The following NBAS variants were observed in gnomAD, a reference collection of about 807,000 sequenced individuals.
NBAS encodes the protein NAG/BC035112 fusion.
NBAS carries 219 observed loss-of-function variants against 302.5 expected under a neutral mutation model. The ratio of observed to expected loss-of-function variants is 0.72; its 90% CI spans 0.65 to 0.81. NBAS has a LOEUF of 0.81. Among genes scored for constraint, NBAS ranks in the 30% least tolerant of loss-of-function variants. NBAS has a pLI of 0.00. For synonymous variants in NBAS, 1,118 were observed against 1,021.6 expected (o/e 1.09, Z -1.80); for missense variants, 2,932 against 2,841.6 (o/e 1.03, Z -0.72).
intron 13 of NBAS, among the ~76,000 whole-genome samples, chr2:15,477,582 C>T (rs1293257086): frequency 6.6e-6 from 1 of 152,106 alleles, no homozygotes; most frequent in Non-Finnish European, 1.5e-5. Flanking sequence ...AGAGCCTGAA[C>T]CTTATAACTA....
chr2:14,873,549 A>G, the NBAS span, among the ~76,000 whole-genome samples: 5 of 152,282 alleles, frequency 3.3e-5, 1 homozygote, highest in South Asian at 1.0e-3. Context: ...TAAAATATAT[A>G]CCAGGATAGA....
At chr2:15,286,420 G>C (rs905172693) in intron 42 of NBAS, among the ~76,000 whole-genome samples, 1 of 152,208 alleles carries the variant, frequency 6.6e-6, no homozygotes, top group African/African-American at 2.4e-5. Flanking sequence ...TTCTTAGGAA[G>C]AAGTCAAAAG....
chr2:15,460,880 T>C (rs562774610), intron 21 of NBAS, among the ~76,000 whole-genome samples: 20 of 152,124 alleles, frequency 1.3e-4, no homozygotes, highest in Non-Finnish European at 2.6e-4. Context: ...ACACTTCAAT[T>C]TCTAAAAGAT....
the NBAS span, among the ~76,000 whole-genome samples, chr2:14,795,853 TCTC>T: frequency 5.9e-5 from 9 of 152,108 alleles, no homozygotes; most frequent in African/African-American, 2.2e-4. Flanking sequence ...ATTGCAAACA[TCTC>T]CTGGCGTGGA....
intron 44 of NBAS, among the ~76,000 whole-genome samples, chr2:15,253,947 C>T (rs1197552839): frequency 6.6e-6 from 1 of 152,118 alleles, no homozygotes; most frequent in Non-Finnish European, 1.5e-5. Flanking sequence ...CAGCCCTTGC[C>T]CCAAAACTCA....
intron 48 of NBAS, among the ~76,000 whole-genome samples, chr2:15,197,517 C>A (rs1048933838): frequency 5.3e-5 from 8 of 152,060 alleles, no homozygotes; most frequent in African/African-American, 1.9e-4. Context: ...GAGAGATGAC[C>A]ATTCAATTTG....
chr2:15,033,880 A>G, the NBAS span, among the ~76,000 whole-genome samples: 1 of 151,682 alleles, frequency 6.6e-6, no homozygotes, highest in Admixed American at 6.6e-5. Flanking sequence ...CCTAGGGGGC[A>G]GAGTTTGCAG....
At position 15,424,468 on chromosome 2, in the gene NBAS, T is replaced by C; in HGVS notation, c.2424A>G (p.Arg808=). 6.2e-7 allele frequency: 1 copy of C among 1,614,014 alleles called. No individual in the cohort carries two copies. The highest frequency in any genetic ancestry group is 1.1e-5 in the South Asian group (1 of 91,082). Residue 808 remains arginine (R), a splice_region_variant and synonymous_variant, in exon 23 of 52, where the codon AGA becomes AGG. Coordinates refer to ENST00000281513, the MANE Select transcript of NBAS (RefSeq NM_015909.4). The part of the protein sequence containing the change: ...AKDWCEELAC[R]MVVEPNLQDE... ...CTTGGAGATTCGGCTCAACAACCAT[T>C]CTGTGAAGCACAAAAGGACCAATTA...
intron 9 of NBAS, 139 bp from the exon 10 acceptor site, chr2:15,511,489 T>C: frequency 1.3e-6 from 1 of 767,300 alleles, no homozygotes; most frequent in Non-Finnish European, 2.1e-6. Flanking sequence ...AGGTAAATAT[T>C]TCAGAGGAAA....
chr2:15,559,575 T>C (rs1664812672), intron 1 of NBAS, among the ~76,000 whole-genome samples: 1 of 152,116 alleles, frequency 6.6e-6, no homozygotes, highest in Non-Finnish European at 1.5e-5. Flanking sequence ...TAAACATGAA[T>C]TGATTGTTGG....
chr2:15,176,059 C>T (rs936130445), intron 51 of NBAS, among the ~76,000 whole-genome samples: 8 of 152,070 alleles, frequency 5.3e-5, no homozygotes, highest in South Asian at 4.2e-4. Context: ...TGAACTCAAG[C>T]GCCCTGCTAA....
At chr2:14,935,044 T>G in the NBAS span, among the ~76,000 whole-genome samples, 1 of 152,184 alleles carries the variant, frequency 6.6e-6, no homozygotes, top group African/African-American at 2.4e-5. Flanking sequence ...AGCTCATCCC[T>G]CCATGAGCCT....
At chr2:15,451,801 T>C (rs1468935940) in intron 21 of NBAS, among the ~76,000 whole-genome samples, 1 of 152,192 alleles carries the variant, frequency 6.6e-6, no homozygotes. Flanking sequence ...CACCAAAAGA[T>C]GAAGAAGAGG....
At chr2:14,798,381 T>A in the NBAS span, among the ~76,000 whole-genome samples, 1 of 152,198 alleles carries the variant, frequency 6.6e-6, no homozygotes, top group Non-Finnish European at 1.5e-5. Context: ...TACAGTGAAT[T>A]ACATAGATAG....
chr2:15,472,909 G>C (rs1024351951), intron 16 of NBAS, among the ~76,000 whole-genome samples: 5 of 152,128 alleles, frequency 3.3e-5, no homozygotes, highest in Non-Finnish European at 7.4e-5. Flanking sequence ...TGTGATTTCT[G>C]GCATCTGACT....
At chr2:15,098,542 T>C in the NBAS span, among the ~76,000 whole-genome samples, 2 of 126,334 alleles carry the variant, frequency 1.6e-5, no homozygotes, top group Non-Finnish European at 3.2e-5. Flanking sequence ...TTATGTATTG[T>C]ATATAATATG....
In NBAS at chr2:15,374,740, T is replaced by A. The variant is rs749428179; in HGVS notation, c.3591-20A>T. ...CAGCACCTAGAAGAAATTAGATAAA[T>A]TTTTAAAAAGAAGCAACATATGTTC... is the stretch of plus-strand genomic sequence containing the variant. On this transcript the variant is annotated intron_variant, in intron 30 of 51. Transcript: ENST00000281513. The A allele has an allele frequency of 6.3e-7, 1 of 1,599,652 alleles. No homozygotes were observed. The highest frequency in any genetic ancestry group is 1.7e-5 in the Admixed American group (1 of 59,958).
intron 10 of NBAS, among the ~76,000 whole-genome samples, chr2:15,509,805 A>T (rs1662052870): frequency 6.6e-6 from 1 of 152,170 alleles, no homozygotes; most frequent in Non-Finnish European, 1.5e-5. Flanking sequence ...TTGAGTGCCC[A>T]CTAGGTAACA....
chr2:15,113,320 C>CGT, the NBAS span, among the ~76,000 whole-genome samples: 30,595 of 129,614 alleles, frequency 0.24, 3,655 homozygotes, highest in South Asian at 0.32. Flanking sequence ...GGTATGAACT[C>CGT]GTGTGTGTGT....
Sources: allele counts gnomAD v4.1 joint callset (sites outside exome capture counted in the v4.1 genomes callset), GRCh38; gene constraint gnomAD v4.1.1; transcripts MANE v1.5; gene names NCBI Gene and HGNC (gene_info 2026-07-23, HGNC 2026-07-21).